RBFOX1: variants seen among roughly 807,000 people sequenced by gnomAD.
The protein encoded by RBFOX1 is RNA binding protein fox-1 homolog 1.
RBFOX1 carries 8 observed loss-of-function variants against 57.7 expected under a neutral mutation model. That is an observed-to-expected ratio of 0.14 (90% CI 0.08 to 0.25). The LOEUF is 0.25. RBFOX1 is among the 10% of genes least tolerant of loss of function. The pLI is 1.00. For synonymous variants in RBFOX1, 326 were observed against 222.4 expected (o/e 1.47, Z -4.15); for missense variants, 611 against 548.5 (o/e 1.11, Z -1.14).
At chr16:5,527,659 G>GT (rs1192610173) in intron 2 of RBFOX1, among the ~76,000 whole-genome samples, 8 of 152,258 alleles carry the variant, frequency 5.3e-5, no homozygotes, top group Non-Finnish European at 5.9e-5. Flanking sequence ...GTTTAGGATG[G>GT]TTTTTTGGGT....
chr16:6,894,417 C>G (rs894502488), intron 3 of RBFOX1, among the ~76,000 whole-genome samples: 7 of 152,200 alleles, frequency 4.6e-5, no homozygotes, highest in Non-Finnish European at 8.8e-5. Context: ...AGTGGCAGCA[C>G]TTCTCTAATT....
intron 10 of RBFOX1, among the ~76,000 whole-genome samples, chr16:7,625,310 C>T (rs1169347783): frequency 6.6e-6 from 1 of 152,098 alleles, no homozygotes; most frequent in Non-Finnish European, 1.5e-5. Flanking sequence ...CATATCAAAG[C>T]TTGCCCACCC....
chr16:6,993,093 A>G (rs964725128), intron 3 of RBFOX1, among the ~76,000 whole-genome samples: 1 of 152,142 alleles, frequency 6.6e-6, no homozygotes, highest in East Asian at 1.9e-4. Flanking sequence ...TTGTTAGTCT[A>G]CTGCATTCAT....
chr16:7,475,740 C>G (rs904944865), intron 4 of RBFOX1, among the ~76,000 whole-genome samples: 94 of 152,160 alleles, frequency 6.2e-4, no homozygotes, highest in African/African-American at 2.2e-3. Context: ...CTATCTGGGC[C>G]TCAGATTCCC....
chr16:6,489,344 T>C (rs2095577907), intron 2 of RBFOX1, among the ~76,000 whole-genome samples: 1 of 152,196 alleles, frequency 6.6e-6, no homozygotes, highest in South Asian at 2.1e-4. Context: ...GTTTATATAA[T>C]ATTTTATATT....
At chr16:6,839,780 A>C (rs2093355517) in intron 3 of RBFOX1, among the ~76,000 whole-genome samples, 1 of 152,226 alleles carries the variant, frequency 6.6e-6, no homozygotes, top group Non-Finnish European at 1.5e-5. Context: ...GGATGTAGAA[A>C]GTGGATTGTA....
In RBFOX1 at chr16:5,835,181, G is replaced by A. The variant is rs181663685; in HGVS notation, c.319-32122G>A. 4.4e-4 allele frequency among the ~76,000 whole-genome samples: 67 copies of A among 152,318 alleles called. 1 individual carries two copies. The highest frequency in any genetic ancestry group is 1.6e-3 in the African/African-American group (66 of 41,574). On this transcript the variant is annotated intron_variant, in intron 3 of 19. Transcript: ENST00000641259. ...CAGAAGGCAACTGGCCCAGCCTTAA[G>A]AGGCTGGTGAGGGCTTCCTAGAAGT...
intron 4 of RBFOX1, among the ~76,000 whole-genome samples, chr16:5,923,623 C>T (rs1182263732): frequency 6.8e-6 from 1 of 147,976 alleles, no homozygotes; most frequent in African/African-American, 2.5e-5. Context: ...CTGACTGCAA[C>T]CTCCACCTCC....
intron 2 of RBFOX1, among the ~76,000 whole-genome samples, chr16:5,568,934 G>A (rs936399878): frequency 1.3e-5 from 2 of 152,008 alleles, no homozygotes; most frequent in Non-Finnish European, 2.9e-5. Flanking sequence ...TCCGCCCGCT[G>A]GGTTCAAGTG....
At chr16:6,864,131 C>G (rs980730331) in intron 3 of RBFOX1, among the ~76,000 whole-genome samples, 1 of 151,916 alleles carries the variant, frequency 6.6e-6, no homozygotes, top group Non-Finnish European at 1.5e-5. Flanking sequence ...GTCTCTTTAG[C>G]AGGAAGAAGG....
intron 3 of RBFOX1, among the ~76,000 whole-genome samples, chr16:6,802,522 C>A: frequency 6.6e-6 from 1 of 152,044 alleles, no homozygotes; most frequent in East Asian, 1.9e-4. Flanking sequence ...ACTTAAAATA[C>A]AAAAGTTACT....
rs370112466 is a variant in RBFOX1, at chr16:7,096,816, C to T, written c.27+44718C>T. 1.2e-3 allele frequency among the ~76,000 whole-genome samples: 177 copies of T among 151,140 alleles called. 1 individual carries two copies. Among genetic ancestry groups the T allele is most frequent in the African/African-American group, 4.2e-3 (172 of 41,134 alleles). On this transcript the variant is annotated intron_variant, in intron 4 of 15. Transcript: ENST00000550418. The stretch of plus-strand genomic sequence containing the variant: ...GAGTGATGGCTCTCCCCTGTAATCC[C>T]AGCTACGTAGGGGGCTGAGGTAAGA...
chr16:5,328,913 C>G (rs1218015159), intron 1 of RBFOX1, among the ~76,000 whole-genome samples: 2 of 152,142 alleles, frequency 1.3e-5, no homozygotes, highest in African/African-American at 2.4e-5. Context: ...TCCTGAGTAC[C>G]CTTGATGCTA....
chr16:6,769,288 C>G (rs1351532833), intron 3 of RBFOX1, among the ~76,000 whole-genome samples: 1 of 152,192 alleles, frequency 6.6e-6, no homozygotes, highest in African/African-American at 2.4e-5. Flanking sequence ...TCCTTGCCTT[C>G]CACCATGACT....
intron 3 of RBFOX1, among the ~76,000 whole-genome samples, chr16:5,834,624 T>C (rs200624646): frequency 7.9e-6 from 1 of 125,814 alleles, no homozygotes; most frequent in Non-Finnish European, 1.7e-5. Context: ...ATAGATAGAT[T>C]GACTGATTTG....
intron 4 of RBFOX1, among the ~76,000 whole-genome samples, chr16:7,398,334 G>C (rs987174714): frequency 6.6e-6 from 1 of 152,194 alleles, no homozygotes; most frequent in Admixed American, 6.6e-5. Flanking sequence ...TTCTTCATCT[G>C]TAAGATGGGG....
chr16:6,162,647 C>A (rs1206473144), intron 1 of RBFOX1, among the ~76,000 whole-genome samples: 2 of 152,128 alleles, frequency 1.3e-5, no homozygotes, highest in Non-Finnish European at 2.9e-5. Context: ...GACATTTAAC[C>A]CCCAAAGAAA....
At position 6,722,577 on chromosome 16, in the gene RBFOX1, C is replaced by T. The variant is rs184981240; in HGVS notation, c.-16+67927C>T. Among the ~76,000 whole-genome samples, 18 of 152,230 alleles carry T rather than the reference C, an allele frequency of 1.2e-4. No individual in the cohort carries two copies. In the East Asian group the frequency reaches 3.5e-3, roughly 29 times the overall value. The stretch of plus-strand genomic sequence containing the variant: ...CATGTTTGTGTGATATTAATGAGAA[C>T]CTACAGACTTCTTTAGAATAATCAA... On this transcript the variant is annotated intron_variant, in intron 3 of 15. Transcript: ENST00000550418.
chr16:6,304,781 A>G (rs979504150), intron 1 of RBFOX1, among the ~76,000 whole-genome samples: 8 of 146,798 alleles, frequency 5.4e-5, no homozygotes, highest in African/African-American at 2.0e-4. Context: ...GCTACTCAGG[A>G]GGCTGAGGCC....
Sources: gnomAD v4.1 joint callset for allele counts (sites outside exome capture counted in the v4.1 genomes callset) on GRCh38, gnomAD v4.1.1 for gene constraint, MANE v1.5 for transcripts, NCBI Gene and HGNC (gene_info 2026-07-23, HGNC 2026-07-21) for gene names.